The following FRMD1 variants were observed in gnomAD, a reference collection of about 807,000 sequenced individuals.
FRMD1 encodes FERM domain containing 1, also known as FERM domain-containing protein 1.
A neutral mutation model predicts 54.9 loss-of-function variants in FRMD1; 51 were observed. The ratio of observed to expected loss-of-function variants is 0.93; its 90% CI spans 0.74 to 1.17. The LOEUF (loss-of-function observed/expected upper bound fraction) is 1.17, where lower values mean the gene tolerates loss of function less well. Among genes scored for constraint, FRMD1 ranks in the 50% most tolerant of loss-of-function variants. The pLI, the probability that FRMD1 is intolerant of heterozygous loss-of-function variation, is 0.00. For synonymous variants in FRMD1, 324 were observed against 306.4 expected (o/e 1.06, Z -0.60); for missense variants, 729 against 743.0 (o/e 0.98, Z 0.22).
intron 2 of FRMD1, among the ~76,000 whole-genome samples, chr6:168,074,773 CAT>C (rs1178953209): frequency 2.2e-5 from 2 of 89,368 alleles, no homozygotes; most frequent in Non-Finnish European, 4.5e-5. Context: ...TGCATGTGTA[CAT>C]GTGTGACTGG....
At chr6:168,085,956 G>A (rs1177445419), upstream of FRMD1, among the ~76,000 whole-genome samples, 1 of 152,248 alleles carries the variant, frequency 6.6e-6, no homozygotes, top group Admixed American at 6.5e-5. Context: ...TGCTAATGGT[G>A]AATCACTTCA....
rs1799486419 is a variant in FRMD1, at chr6:168,057,713, A to AG, written c.1408-375_1408-374insC. The stretch of plus-strand genomic sequence containing the variant: ...GGTCAAGAACGGCCTCCTATTTTAT[A>AG]CGGGAGGAAACTGTCTGGGTTCAGA... On this transcript the variant is annotated intron_variant, in intron 10 of 10. Transcript: ENST00000283309. 1.7e-5 allele frequency: 4 copies of AG among 229,866 alleles called. No homozygotes were observed. The South Asian group carries it at 2.4e-4, about 14-fold the overall frequency. 14.2% of individuals were successfully genotyped at this position (229,866 alleles called of 1,614,324 possible).
rs1799363551 is a variant in FRMD1 at position 168,055,370 on chromosome 6, T to C, written c.*1727A>G. 1.3e-5 allele frequency: 2 copies of C among 152,528 alleles called. No homozygotes were observed. The highest frequency in any genetic ancestry group is 4.8e-5 in the African/African-American group (2 of 41,414). The allele number at this position is 152,528 out of a possible 1,614,324, so 9.4% of individuals were successfully genotyped here. On this transcript the variant is annotated 3_prime_UTR_variant, in exon 11 of 11. Coordinates refer to ENST00000283309, the MANE Select transcript of FRMD1 (RefSeq NM_024919.6). ...ATCTGTGTGCAGATGTGTGCGTGTG[T>C]GCATGTATGTGTGTGCATGCATGTG...
intron 2 of FRMD1, among the ~76,000 whole-genome samples, chr6:168,072,219 C>G (rs1800342576): frequency 6.6e-6 from 1 of 152,306 alleles, no homozygotes; most frequent in African/African-American, 2.4e-5. Context: ...CCCTGCACCC[C>G]CTGCTGGGAG....
chr6:168,065,312 C>T (rs1370626267), intron 4 of FRMD1: 98 of 1,280,242 alleles, frequency 7.7e-5, no homozygotes, highest in Non-Finnish European at 7.8e-5. Flanking sequence ...TGCCGAGGTC[C>T]CACTCCTTCC....
chr6:168,062,716 C>T (rs1799815661), intron 7 of FRMD1, 178 bp downstream of exon 7: 1 of 1,553,314 alleles, frequency 6.4e-7, no homozygotes. Flanking sequence ...GGTCGTACAG[C>T]AGCTGCGGAG....
At chr6:168,075,635 G>A in intron 1 of FRMD1, 1 of 893,064 alleles carries the variant, frequency 1.1e-6, no homozygotes, top group Admixed American at 2.0e-5. Flanking sequence ...ACCAGTCAGG[G>A]ACACACGATG....
chr6:168,067,181 T>C (rs1215798208), intron 3 of FRMD1, 186 bp downstream of exon 3: 1 of 684,618 alleles, frequency 1.5e-6, no homozygotes, highest in Non-Finnish European at 2.7e-6. Flanking sequence ...CCGCGGTGCC[T>C]GCCCTCTCCC....
At chr6:168,081,337 C>G, upstream of FRMD1, 1 of 1,521,346 alleles carries the variant, frequency 6.6e-7, no homozygotes, top group Non-Finnish European at 8.8e-7. Flanking sequence ...CCAACACTGA[C>G]CCCACCTCTG....
In FRMD1 at chr6:168,063,740, C is replaced by T; in HGVS notation, c.665G>A (p.Gly222Glu). Residue 222 changes from glycine to glutamate, a missense_variant, in exon 6 of 11, where the codon GGG becomes GAG. By Grantham distance (98) the Gly-to-Glu change is moderately conservative. Coordinates refer to ENST00000283309, the MANE Select transcript of FRMD1 (RefSeq NM_024919.6). Reference sequence around the variant, plus strand: ...CATGTGCCGGAGGATGTAGTCAATCCCCCTCTTGGTGATGATCTGAGGACA... The same window carrying T: ...CATGTGCCGGAGGATGTAGTCAATCTCCCTCTTGGTGATGATCTGAGGACA... ...YFPQWIITKR[G>E]IDYILRHMPT... is the part of the protein sequence containing the mutation. 5 of 1,612,736 alleles carry T rather than the reference C, an allele frequency of 3.1e-6. No individual in the cohort carries two copies. Among genetic ancestry groups the T allele is most frequent in the Non-Finnish European group, 4.2e-6 (5 of 1,179,260 alleles).
chr6:168,083,146 C>T (rs763926148), upstream of FRMD1, among the ~76,000 whole-genome samples: 7 of 152,206 alleles, frequency 4.6e-5, no homozygotes, highest in Non-Finnish European at 5.9e-5. Context: ...GCTCAGACCT[C>T]GTAAGGTCCA....
At position 168,087,812 on chromosome 6, in the gene FRMD1, G is replaced by A. The variant is rs568162115; in HGVS notation, c.-11-8788C>T. ...ATCCCCTTCTACCGCTGTTCCCAGG[G>A]TCCCCAAGGACGCTGACCTCACCAC... On this transcript the variant is annotated intron_variant, in intron 1 of 12. Coordinates refer to the FRMD1 transcript ENST00000644440. 3.6e-3 allele frequency among the ~76,000 whole-genome samples: 543 copies of A among 152,256 alleles called. 5 individuals are homozygous for A. Among genetic ancestry groups the A allele is most frequent in the African/African-American group, 0.012 (503 of 41,552 alleles).
At chr6:168,072,087 A>ATG (rs1800336734) in intron 2 of FRMD1, among the ~76,000 whole-genome samples, 1 of 152,248 alleles carries the variant, frequency 6.6e-6, no homozygotes, top group Non-Finnish European at 1.5e-5. Context: ...TGCCGACTTC[A>ATG]TGACCTGTCT....
chr6:168,076,234 C>G (rs2115013507), intron 1 of FRMD1, among the ~76,000 whole-genome samples: 1 of 152,370 alleles, frequency 6.6e-6, no homozygotes, highest in East Asian at 1.9e-4. Flanking sequence ...AAGAGGAAAC[C>G]TCACAGCAGG....
At chr6:168,072,688 A>G (rs1465488065) in intron 2 of FRMD1, among the ~76,000 whole-genome samples, 1 of 152,066 alleles carries the variant, frequency 6.6e-6, no homozygotes, top group Non-Finnish European at 1.5e-5. Flanking sequence ...ATTCCCCCCA[A>G]TCCCCACCCC....
intron 3 of FRMD1, 55 bp downstream of exon 3, chr6:168,067,312 C>T (rs1800089825): frequency 8.6e-7 from 1 of 1,165,958 alleles, no homozygotes. Flanking sequence ...GTCCCCGTGG[C>T]CCAGCACAGC....
chr6:168,078,641 C>T (rs1391649123), intron 1 of FRMD1, among the ~76,000 whole-genome samples: 1 of 130,302 alleles, frequency 7.7e-6, no homozygotes, highest in East Asian at 2.5e-4. Context: ...GCCTTGCTCA[C>T]CCCCACGGCC....
chr6:168,084,439 T>A (rs1156617411), upstream of FRMD1, among the ~76,000 whole-genome samples: 2 of 152,234 alleles, frequency 1.3e-5, no homozygotes, highest in African/African-American at 4.8e-5. Context: ...GCCCCTGACA[T>A]GCTGCTCCTG....
chr6:168,065,993 C>T lies in FRMD1; in HGVS notation c.461+762G>A, dbSNP rs1000921211. 65 of 1,000,102 alleles carry T rather than the reference C, an allele frequency of 6.5e-5. No homozygotes were observed. In the Admixed American group the frequency reaches 3.6e-3, roughly 56 times the overall value. The allele number at this position is 1,000,102 out of a possible 1,614,324, so 62.0% of individuals were successfully genotyped here. On this transcript the variant is annotated intron_variant, in intron 4 of 10. Transcript: ENST00000283309. Reference sequence around the variant, plus strand: ...CTAAGGCAGCTCTGGAAGAAGCAGCCCCCGTTGGTTTAGAGTGCAGCCCAC... The same window carrying T: ...CTAAGGCAGCTCTGGAAGAAGCAGCTCCCGTTGGTTTAGAGTGCAGCCCAC...
Sources: gnomAD v4.1 joint callset for allele counts (sites outside exome capture counted in the v4.1 genomes callset) on GRCh38, gnomAD v4.1.1 for gene constraint, MANE v1.5 for transcripts, NCBI Gene and HGNC (gene_info 2026-07-23, HGNC 2026-07-21) for gene names.